The following WDSUB1 variants were observed in gnomAD, a reference collection of about 807,000 sequenced individuals.
The protein encoded by WDSUB1 is WD repeat, SAM and U-box domain-containing protein 1.
WDSUB1 carries 49 observed loss-of-function variants against 53.9 expected under a neutral mutation model. That is an observed-to-expected ratio of 0.91 (90% confidence interval 0.72 to 1.15). WDSUB1 has a LOEUF of 1.15. Among genes scored for constraint, WDSUB1 ranks in the 50% most tolerant of loss-of-function variants. The pLI, the probability that WDSUB1 is intolerant of heterozygous loss-of-function variation, is 0.00. For synonymous variants in WDSUB1, 194 were observed against 200.6 expected (o/e 0.97, Z 0.28); for missense variants, 514 against 562.0 (o/e 0.91, Z 0.86).
intron 5 of WDSUB1, among the ~76,000 whole-genome samples, chr2:159,263,945 G>A (rs1256190013): frequency 1.3e-5 from 2 of 152,166 alleles, no homozygotes; most frequent in Non-Finnish European, 2.9e-5. Flanking sequence ...TGAGGAAAGT[G>A]CTATTACATT....
chr2:159,244,014 A>G (rs2060724877), intron 10 of WDSUB1, among the ~76,000 whole-genome samples: 1 of 150,778 alleles, frequency 6.6e-6, no homozygotes, highest in Non-Finnish European at 1.5e-5. Flanking sequence ...AAAGCAATCT[A>G]TCCTATTATA....
In WDSUB1 at chr2:159,252,638, C is replaced by A. The variant is rs111996624; in HGVS notation, c.1132+3558G>T. On this transcript the variant is annotated intron_variant, in intron 9 of 10. Transcript: ENST00000359774. ...CACTTTAATCACATATAAACAACAA[C>A]AAAAAAACTGTAAATGTTCAATTAC... is the stretch of plus-strand genomic sequence containing the variant. Among the ~76,000 whole-genome samples, 520 of 152,100 alleles carry A rather than the reference C, an allele frequency of 3.4e-3. 1 individual carries two copies. Among genetic ancestry groups the A allele is most frequent in the African/African-American group, 0.011 (451 of 41,498 alleles).
chr2:159,266,960 A>C (rs542400243), intron 5 of WDSUB1, among the ~76,000 whole-genome samples: 1 of 152,022 alleles, frequency 6.6e-6, no homozygotes, highest in South Asian at 2.1e-4. Flanking sequence ...ATTTGTAGAG[A>C]CCAGGTCTTC....
chr2:159,247,894 T>TATATATATATATAA (rs1553626820), intron 10 of WDSUB1, among the ~76,000 whole-genome samples: 33 of 43,802 alleles, frequency 7.5e-4, no homozygotes, highest in African/African-American at 1.7e-3. Flanking sequence ...TAAATATATA[T>TATATATATATATAA]ATATATATAT....
intron 5 of WDSUB1, among the ~76,000 whole-genome samples, chr2:159,270,272 C>T (rs1360115874): frequency 2.6e-5 from 4 of 152,114 alleles, no homozygotes; most frequent in Non-Finnish European, 5.9e-5. Flanking sequence ...GCAACATTCT[C>T]AGATTACAAG....
In WDSUB1 at chr2:159,257,804, G is replaced by C; in HGVS notation, c.906C>G (p.Asp302Glu). ...NTLLLATGSM[D>E]KTVNIWQFDL... ...CAAATTGCCAGATGTTCACTGTTTT[G>C]TCCATTGAACCAGTAGCAAGTAAAA... Residue 302 changes from aspartate to glutamate, a missense_variant, in exon 8 of 11, where the codon GAC (aspartate) becomes GAG (glutamate). Transcript: ENST00000359774. 1 of 1,614,062 alleles carries C rather than the reference G, an allele frequency of 6.2e-7. No homozygotes were observed. The highest frequency in any genetic ancestry group is 1.3e-5 in the African/African-American group (1 of 74,980).
At chr2:159,264,620 G>T (rs1469494334) in intron 5 of WDSUB1, among the ~76,000 whole-genome samples, 1 of 152,142 alleles carries the variant, frequency 6.6e-6, no homozygotes, top group Admixed American at 6.5e-5. Flanking sequence ...TGGGGCAAGC[G>T]CTGGGCCATG....
intron 10 of WDSUB1, 26 bp downstream of exon 10, chr2:159,248,346 G>C: frequency 6.2e-7 from 1 of 1,601,958 alleles, no homozygotes; most frequent in South Asian, 1.1e-5. Flanking sequence ...AACATCCCCT[G>C]CAACTTAGTA....
rs373184465 is a variant in WDSUB1, at chr2:159,274,312, T to C, written c.676+1234A>G. Among the ~76,000 whole-genome samples, 13 of 152,232 alleles carry C rather than the reference T, an allele frequency of 8.5e-5. No homozygotes were observed. The South Asian group carries it at 2.5e-3, about 29-fold the overall frequency. ...TGAGGCCCGGAGTTCAAGACCATCCTGAGAAACAAACTGAGACACTGTCTC... is the reference window on the plus strand; with the variant it reads ...TGAGGCCCGGAGTTCAAGACCATCCCGAGAAACAAACTGAGACACTGTCTC... On this transcript the variant is annotated intron_variant, in intron 4 of 10. Coordinates refer to ENST00000359774, the MANE Select transcript of WDSUB1 (RefSeq NM_001128212.3).
chr2:159,238,605 TTATC>T (rs1207200670), intron 10 of WDSUB1, among the ~76,000 whole-genome samples: 2 of 152,298 alleles, frequency 1.3e-5, no homozygotes, highest in African/African-American at 4.8e-5. Flanking sequence ...AATGCTATCT[TTATC>T]AATCACTAAA....
At chr2:159,266,667 C>A (rs1031736036) in intron 5 of WDSUB1, among the ~76,000 whole-genome samples, 2 of 152,190 alleles carry the variant, frequency 1.3e-5, no homozygotes, top group African/African-American at 4.8e-5. Flanking sequence ...TCTCCTATAG[C>A]TAGGCTTTGC....
At position 159,242,889 on chromosome 2, in the gene WDSUB1, T is replaced by C. The variant is rs531733502; in HGVS notation, c.1273+5483A>G. 2.4e-4 allele frequency among the ~76,000 whole-genome samples: 35 copies of C among 147,430 alleles called. 7 individuals carry two copies. The highest frequency in any genetic ancestry group is 8.7e-4 in the African/African-American group (33 of 37,802). On this transcript the variant is annotated intron_variant, in intron 10 of 10. Transcript: ENST00000359774. ...CTGAAATACAAACAGGTCCTGAAAA[T>C]TTTTCTGAGGCAATTAGTCCAATAG...
intron 3 of WDSUB1, among the ~76,000 whole-genome samples, chr2:159,279,513 A>G (rs774785586): frequency 2.0e-5 from 3 of 152,136 alleles, no homozygotes; most frequent in Non-Finnish European, 2.9e-5. Flanking sequence ...CCTGCATATA[A>G]TAAAGAATGT....
intron 5 of WDSUB1, among the ~76,000 whole-genome samples, chr2:159,266,596 C>T (rs10189317): frequency 0.083 from 12,615 of 152,208 alleles, 1,167 homozygotes; most frequent in African/African-American, 0.22. Context: ...GACCTATAAC[C>T]GCATTCTGTT....
intron 9 of WDSUB1, among the ~76,000 whole-genome samples, chr2:159,250,291 T>C (rs2024289): frequency 0.5 from 76,482 of 151,908 alleles, 19,996 homozygotes; most frequent in Non-Finnish European, 0.55. Context: ...TATGCTGAAA[T>C]GAAACTGAGG....
At chr2:159,247,159 T>C (rs946414843) in intron 10 of WDSUB1, among the ~76,000 whole-genome samples, 1 of 152,208 alleles carries the variant, frequency 6.6e-6, no homozygotes, top group Non-Finnish European at 1.5e-5. Context: ...ATAGCAAATT[T>C]CATAGCCTGA....
At chr2:159,286,418 G>A (rs1304092328) in intron 1 of WDSUB1, 165 bp downstream of exon 1, 1 of 152,320 alleles carries the variant, frequency 6.6e-6, no homozygotes, top group Non-Finnish European at 1.5e-5. Context: ...CGGGCCAAGG[G>A]TGCACGAACC....
chr2:159,281,537 C>T (rs1478875518), intron 2 of WDSUB1, among the ~76,000 whole-genome samples: 2 of 152,112 alleles, frequency 1.3e-5, no homozygotes, highest in African/African-American at 2.4e-5. Flanking sequence ...GTTTTTCAGG[C>T]GAGTTTTTAA....
intron 10 of WDSUB1, among the ~76,000 whole-genome samples, chr2:159,245,449 C>T (rs561135555): frequency 6.6e-6 from 1 of 151,628 alleles, no homozygotes; most frequent in South Asian, 2.1e-4. Flanking sequence ...ATGAGAATCA[C>T]GTGAACCCGG....
Sources: allele counts gnomAD v4.1 joint callset (sites outside exome capture counted in the v4.1 genomes callset), GRCh38; gene constraint gnomAD v4.1.1; transcripts MANE v1.5; gene names NCBI Gene and HGNC (gene_info 2026-07-23, HGNC 2026-07-21).